The following SLC35F1 variants were observed in gnomAD, a reference collection of about 807,000 sequenced individuals.
SLC35F1 encodes the protein solute carrier family 35 member F1, also known as chromosome 6 open reading frame 169.
SLC35F1 carries 14 observed loss-of-function variants against 48.7 expected under a neutral mutation model. The observed-to-expected ratio is 0.29, with a 90% CI of 0.19 to 0.45. SLC35F1 has a LOEUF of 0.45. SLC35F1 is among the 20% of genes least tolerant of loss of function. The pLI is 1.00. For missense variants in SLC35F1, 404 were observed against 500.0 expected, an observed-to-expected ratio of 0.81 and a Z score of 1.83; for synonymous variants, 190 against 202.2, an observed-to-expected ratio of 0.94 and a Z score of 0.51.
intron 1 of SLC35F1, among the ~76,000 whole-genome samples, chr6:118,054,619 T>C (rs1582641062): frequency 1.3e-5 from 2 of 152,230 alleles, no homozygotes; most frequent in Non-Finnish European, 2.9e-5. Flanking sequence ...GTGTCTATGG[T>C]ATTTCACATT....
intron 7 of SLC35F1, among the ~76,000 whole-genome samples, chr6:118,294,457 A>C (rs1384981944): frequency 6.6e-6 from 1 of 152,254 alleles, no homozygotes. Context: ...TGAAATATAC[A>C]GAAAATTCCT....
At chr6:118,291,429 G>A (rs951470418) in intron 7 of SLC35F1, among the ~76,000 whole-genome samples, 7 of 152,118 alleles carry the variant, frequency 4.6e-5, no homozygotes, top group African/African-American at 1.2e-4. Context: ...GGCTGTAATA[G>A]TTCTTCAGAT....
chr6:118,061,493 T>C (rs1208698943), intron 1 of SLC35F1, among the ~76,000 whole-genome samples: 1 of 152,076 alleles, frequency 6.6e-6, no homozygotes, highest in East Asian at 1.9e-4. Context: ...TAAAACTAGA[T>C]ATATGATTCT....
intron 4 of SLC35F1, among the ~76,000 whole-genome samples, chr6:118,272,573 CTA>C (rs1171145762): frequency 6.6e-6 from 1 of 151,594 alleles, no homozygotes; most frequent in Non-Finnish European, 1.5e-5. Flanking sequence ...TTCCAGTTAA[CTA>C]GATACAAATT....
intron 1 of SLC35F1, among the ~76,000 whole-genome samples, chr6:117,919,199 A>C (rs550634027): frequency 6.6e-6 from 1 of 152,270 alleles, no homozygotes; most frequent in Non-Finnish European, 1.5e-5. Context: ...CCTGGTGATG[A>C]GATGTGACTT....
At chr6:118,243,808 A>G (rs1206674862) in intron 3 of SLC35F1, among the ~76,000 whole-genome samples, 1 of 152,208 alleles carries the variant, frequency 6.6e-6, no homozygotes, top group African/African-American at 2.4e-5. Context: ...CTCAGCTCTT[A>G]AGGCTATATT....
chr6:118,148,607 T>C (rs985519132), intron 1 of SLC35F1, among the ~76,000 whole-genome samples: 1 of 152,186 alleles, frequency 6.6e-6, no homozygotes, highest in African/African-American at 2.4e-5. Context: ...GTGGATAGGA[T>C]GTCCTTTTAA....
intron 1 of SLC35F1, among the ~76,000 whole-genome samples, chr6:118,140,004 A>C (rs1773859778): frequency 6.6e-6 from 1 of 152,164 alleles, no homozygotes; most frequent in Non-Finnish European, 1.5e-5. Flanking sequence ...TGGAACTTTA[A>C]AAAAATGGAT....
chr6:117,941,395 C>G (rs1242907056), intron 1 of SLC35F1, among the ~76,000 whole-genome samples: 3 of 152,148 alleles, frequency 2.0e-5, no homozygotes, highest in African/African-American at 4.8e-5. Context: ...CTTTACTATT[C>G]AGTTCTATGA....
chr6:118,264,138 C>T (rs184385842), intron 3 of SLC35F1, among the ~76,000 whole-genome samples: 14 of 152,296 alleles, frequency 9.2e-5, no homozygotes, highest in African/African-American at 1.4e-4. Flanking sequence ...CCTCCAGGGG[C>T]GTTTGCAAAT....
At chr6:118,305,048 ATGTGTGTGTGTG>A (rs758520455) in intron 7 of SLC35F1, among the ~76,000 whole-genome samples, 52 of 80,230 alleles carry the variant, frequency 6.5e-4, no homozygotes, top group African/African-American at 5.5e-4. Flanking sequence ...ATCAACAGGA[ATGTGTGTGTGTG>A]TGTGTGTGTG....
At chr6:117,947,378 G>T (rs184568862) in intron 1 of SLC35F1, among the ~76,000 whole-genome samples, 13 of 152,242 alleles carry the variant, frequency 8.5e-5, no homozygotes, top group Admixed American at 6.5e-4. Context: ...TTGGAGAAGG[G>T]CCCCGCAAAC....
intron 2 of SLC35F1, among the ~76,000 whole-genome samples, chr6:118,232,002 C>T (rs1181906734): frequency 1.3e-5 from 2 of 152,176 alleles, no homozygotes; most frequent in Non-Finnish European, 2.9e-5. Flanking sequence ...TTCTCGTAGG[C>T]TGAAACATGA....
chr6:117,948,737 C>A (rs7775647), intron 1 of SLC35F1, among the ~76,000 whole-genome samples: 36,196 of 151,964 alleles, frequency 0.24, 4,539 homozygotes, highest in East Asian at 0.3. Flanking sequence ...CTGATGTGTG[C>A]TATAGTGGAA....
intron 7 of SLC35F1, among the ~76,000 whole-genome samples, chr6:118,304,619 A>G (rs1320282842): frequency 6.6e-6 from 1 of 152,172 alleles, no homozygotes; most frequent in East Asian, 1.9e-4. Flanking sequence ...AGATTTTTAT[A>G]CCAATCTTGG....
At chr6:118,175,342 C>A (rs939903900) in intron 2 of SLC35F1, among the ~76,000 whole-genome samples, 11 of 151,996 alleles carry the variant, frequency 7.2e-5, no homozygotes, top group Admixed American at 7.2e-4. Flanking sequence ...ACTTGTCAAG[C>A]CTTTTCTGTT....
At chr6:117,943,904 T>G (rs1163849220) in intron 1 of SLC35F1, among the ~76,000 whole-genome samples, 1 of 152,160 alleles carries the variant, frequency 6.6e-6, no homozygotes, top group Non-Finnish European at 1.5e-5. Flanking sequence ...AATTAAAGAG[T>G]GTTCAAACTT....
At chr6:118,131,488 A>C (rs1773711548) in intron 1 of SLC35F1, among the ~76,000 whole-genome samples, 1 of 152,136 alleles carries the variant, frequency 6.6e-6, no homozygotes, top group Admixed American at 6.6e-5. Context: ...ATTATGAATA[A>C]TAATTGTGAT....
In SLC35F1 at chr6:117,979,642, T is replaced by A. The variant is rs115157342; in HGVS notation, c.173+71743T>A. Among the ~76,000 whole-genome samples the A allele has an allele frequency of 4.0e-3, 612 of 152,308 alleles. 4 individuals carry two copies. The highest frequency in any genetic ancestry group is 0.014 in the African/African-American group (569 of 41,562). ...GAGAAAATCTTGCTTAAAACACTCT[T>A]CTTAAAGCACAGAGAGTTAAAATTT... On this transcript the variant is annotated intron_variant, in intron 1 of 7. Transcript: ENST00000360388.
Sources: gnomAD v4.1 joint callset for allele counts (sites outside exome capture counted in the v4.1 genomes callset) on GRCh38, gnomAD v4.1.1 for gene constraint, MANE v1.5 for transcripts, NCBI Gene and HGNC (gene_info 2026-07-23, HGNC 2026-07-21) for gene names.